The following TENM2 variants were observed in gnomAD, a reference collection of about 807,000 sequenced individuals.
The protein encoded by TENM2 is teneurin transmembrane protein 2.
Under a neutral mutation model 245.2 loss-of-function variants are expected in TENM2, and 52 were observed. That is an observed-to-expected ratio of 0.21 (90% CI 0.17 to 0.27). The LOEUF (loss-of-function observed/expected upper bound fraction) is 0.27, where lower values mean the gene tolerates loss of function less well. TENM2 is among the 10% of genes least tolerant of loss of function. The pLI, the probability that TENM2 is intolerant of heterozygous loss-of-function variation, is 1.00. For missense variants in TENM2, 3,046 were observed against 3,666.8 expected, an observed-to-expected ratio of 0.83 and a Z score of 4.37; for synonymous variants, 1,363 against 1,438.9, an observed-to-expected ratio of 0.95 and a Z score of 1.19.
chr5:167,013,693 C>T, the TENM2 span, among the ~76,000 whole-genome samples: 49 of 152,016 alleles, frequency 3.2e-4, no homozygotes, highest in Admixed American at 5.9e-4. Context: ...GGCAACAGGG[C>T]GAGACTCCGT....
chr5:167,070,652 A>G, the TENM2 span, among the ~76,000 whole-genome samples: 1 of 152,062 alleles, frequency 6.6e-6, no homozygotes, highest in Non-Finnish European at 1.5e-5. Flanking sequence ...TATCTTGCCC[A>G]GGAGGAATCC....
intron 2 of TENM2, among the ~76,000 whole-genome samples, chr5:167,516,339 AAAAC>A (rs1770377551): frequency 1.3e-5 from 2 of 152,254 alleles, no homozygotes; most frequent in Admixed American, 1.3e-4. Flanking sequence ...ATTTTAATGA[AAAAC>A]AAAGAGTGGA....
At chr5:168,017,766 T>C (rs563337355) in intron 5 of TENM2, among the ~76,000 whole-genome samples, 1 of 152,314 alleles carries the variant, frequency 6.6e-6, no homozygotes, top group Admixed American at 6.5e-5. Flanking sequence ...CAACTGTTTT[T>C]TCAGTTGTGG....
intron 1 of TENM2, among the ~76,000 whole-genome samples, chr5:167,358,494 T>C (rs1160622981): frequency 6.6e-6 from 1 of 151,588 alleles, no homozygotes; most frequent in Admixed American, 6.6e-5. Flanking sequence ...TTTATAGTTA[T>C]TTGACCCTTG....
chr5:168,257,157 C>G (rs1368674248), intron 27 of TENM2, among the ~76,000 whole-genome samples: 2 of 152,024 alleles, frequency 1.3e-5, no homozygotes, highest in Non-Finnish European at 2.9e-5. Context: ...ACCAGGCAAG[C>G]TGGAGTGAAA....
At position 167,942,526 on chromosome 5, in the gene TENM2, G is replaced by A. The variant is rs532080914; in HGVS notation, c.713-10062G>A. Among the ~76,000 whole-genome samples, 5 of 152,200 alleles carry A rather than the reference G, an allele frequency of 3.3e-5. No homozygotes were observed. In the South Asian group the frequency reaches 8.3e-4, roughly 25 times the overall value. ...CTAGAAAGAAACCTTTCTTCTAGTG[G>A]AGCACACCGGGACCCAGTGATTCTT... On this transcript the variant is annotated intron_variant, in intron 3 of 28. Transcript: ENST00000518659.
chr5:167,246,947 T>G, the TENM2 span, among the ~76,000 whole-genome samples: 1 of 152,012 alleles, frequency 6.6e-6, no homozygotes, highest in Non-Finnish European at 1.5e-5. Flanking sequence ...TTGACAAGTT[T>G]ATAGCAAATT....
At chr5:168,060,810 C>T (rs1789970178) in intron 6 of TENM2, among the ~76,000 whole-genome samples, 1 of 152,126 alleles carries the variant, frequency 6.6e-6, no homozygotes, top group South Asian at 2.1e-4. Flanking sequence ...CTCCATTTTA[C>T]ACATAGAGAA....
At chr5:167,230,053 C>T in the TENM2 span, among the ~76,000 whole-genome samples, 5 of 152,122 alleles carry the variant, frequency 3.3e-5, no homozygotes, top group African/African-American at 1.2e-4. Flanking sequence ...GCTCCTGCCT[C>T]AGCCCAGTTG....
chr5:167,222,726 C>T, the TENM2 span, among the ~76,000 whole-genome samples: 5 of 152,142 alleles, frequency 3.3e-5, no homozygotes, highest in African/African-American at 4.8e-5. Flanking sequence ...CATCCCAGTT[C>T]GCAAAGATGA....
At chr5:167,421,226 T>G (rs1192633613) in intron 2 of TENM2, among the ~76,000 whole-genome samples, 2 of 152,238 alleles carry the variant, frequency 1.3e-5, no homozygotes, top group African/African-American at 4.8e-5. Context: ...AGGCCACTGA[T>G]CCATGCTACT....
At chr5:168,208,511 G>T (rs532197205) in intron 19 of TENM2, among the ~76,000 whole-genome samples, 1 of 152,222 alleles carries the variant, frequency 6.6e-6, no homozygotes, top group Non-Finnish European at 1.5e-5. Flanking sequence ...GGAAGGAAGC[G>T]TCAGCAAGGA....
rs997388360 is a variant in TENM2, at chr5:168,134,174, C to CA, written c.2422+7215dup. On this transcript the variant is annotated intron_variant, in intron 12 of 28. Transcript: ENST00000518659. ...TGTCTCAAAAAAAAACAAAACAAAA[C>CA]AAAAAAATAGGCTCTTGTGTCATTC... Among the ~76,000 whole-genome samples, 7 of 151,930 alleles carry CA rather than the reference C, an allele frequency of 4.6e-5. No individual in the cohort carries two copies. In the East Asian group the frequency reaches 1.4e-3, roughly 30 times the overall value.
chr5:167,649,067 C>T (rs1334439617), intron 2 of TENM2, among the ~76,000 whole-genome samples: 1 of 152,138 alleles, frequency 6.6e-6, no homozygotes, highest in African/African-American at 2.4e-5. Flanking sequence ...ACATCTGTCA[C>T]ACCACAAAGA....
chr5:167,374,979 T>C (rs568644997), intron 1 of TENM2, among the ~76,000 whole-genome samples: 2 of 152,138 alleles, frequency 1.3e-5, no homozygotes, highest in South Asian at 4.1e-4. Flanking sequence ...AATCTGAGCA[T>C]TTTGTCCTAT....
chr5:167,618,469 T>C (rs1009635047), intron 2 of TENM2, among the ~76,000 whole-genome samples: 3 of 152,224 alleles, frequency 2.0e-5, no homozygotes, highest in Admixed American at 6.5e-5. Flanking sequence ...TATACACTTA[T>C]TCATTTTGTC....
At chr5:167,297,422 C>T (rs1755006054) in intron 1 of TENM2, 2 of 152,178 alleles carry the variant, frequency 1.3e-5, no homozygotes, top group African/African-American at 4.8e-5. Context: ...TCTCAGCCCA[C>T]ATTGTGTCAA....
intron 2 of TENM2, among the ~76,000 whole-genome samples, chr5:167,678,569 C>G (rs552217604): frequency 1.3e-5 from 2 of 152,098 alleles, no homozygotes; most frequent in Non-Finnish European, 2.9e-5. Flanking sequence ...TCCTTTGATT[C>G]CAGCCCCAGC....
At chr5:167,405,769 AACACACAC>A (rs149621688) in intron 2 of TENM2, among the ~76,000 whole-genome samples, 47 of 145,286 alleles carry the variant, frequency 3.2e-4, no homozygotes, top group African/African-American at 1.0e-3. Flanking sequence ...CACACACACA[AACACACAC>A]ACACACACAC....
Sources: gnomAD v4.1 joint callset for allele counts (sites outside exome capture counted in the v4.1 genomes callset) on GRCh38, gnomAD v4.1.1 for gene constraint, MANE v1.5 for transcripts, NCBI Gene and HGNC (gene_info 2026-07-23, HGNC 2026-07-21) for gene names.